The following CTIF variants were observed in gnomAD, a reference collection of about 807,000 sequenced individuals.
CTIF encodes the protein CBP80/20-dependent translation initiation factor.
A neutral mutation model predicts 66.0 loss-of-function variants in CTIF; 21 were observed. The observed-to-expected ratio is 0.32, with a 90% confidence interval of 0.23 to 0.46. The LOEUF (loss-of-function observed/expected upper bound fraction) is 0.46, where lower values mean the gene tolerates loss of function less well. Among genes scored for constraint, CTIF ranks in the 20% least tolerant of loss-of-function variants. CTIF has a pLI of 1.00. For missense variants in CTIF, 739 were observed against 812.7 expected, an observed-to-expected ratio of 0.91 and a Z score of 1.10; for synonymous variants, 345 against 326.4, an observed-to-expected ratio of 1.06 and a Z score of -0.62.
chr18:48,744,912 T>C (rs1464576538), intron 7 of CTIF, among the ~76,000 whole-genome samples: 1 of 151,816 alleles, frequency 6.6e-6, no homozygotes, highest in Non-Finnish European at 1.5e-5. Flanking sequence ...AAGCTCCGCC[T>C]CCCGGATTCA....
chr18:48,592,624 T>C (rs1397698373), intron 1 of CTIF, among the ~76,000 whole-genome samples: 1 of 152,140 alleles, frequency 6.6e-6, no homozygotes, highest in Non-Finnish European at 1.5e-5. Flanking sequence ...ACCACTCAAG[T>C]GCAGTGAGTG....
At chr18:48,604,192 T>TC in intron 1 of CTIF, among the ~76,000 whole-genome samples, 1 of 140,986 alleles carries the variant, frequency 7.1e-6, no homozygotes, top group Non-Finnish European at 1.5e-5. Context: ...TTTTTTTTTT[T>TC]TTGAGACGGG....
At chr18:48,732,519 CT>C (rs1200776127) in intron 7 of CTIF, among the ~76,000 whole-genome samples, 1 of 152,228 alleles carries the variant, frequency 6.6e-6, no homozygotes. Context: ...AGCATCCCCC[CT>C]GGAGAAGCTG....
intron 9 of CTIF, among the ~76,000 whole-genome samples, chr18:48,795,748 G>A (rs905675778): frequency 4.4e-4 from 67 of 152,294 alleles, no homozygotes; most frequent in Admixed American, 4.2e-3. Flanking sequence ...AGAATTCTGT[G>A]TTGGGAAGAA....
chr18:48,656,804 G>T (rs74885535), intron 3 of CTIF, among the ~76,000 whole-genome samples: 2 of 151,590 alleles, frequency 1.3e-5, no homozygotes, highest in South Asian at 2.1e-4. Context: ...TTCAGCAACC[G>T]GGGGGGCAGG....
chr18:48,820,724 G>C (rs559037043), intron 10 of CTIF, among the ~76,000 whole-genome samples: 1 of 152,278 alleles, frequency 6.6e-6, no homozygotes, highest in South Asian at 2.1e-4. Flanking sequence ...CATCCCCTGC[G>C]TCTGTACCCC....
At chr18:48,592,925 G>A (rs1186281103) in intron 1 of CTIF, among the ~76,000 whole-genome samples, 1 of 152,242 alleles carries the variant, frequency 6.6e-6, no homozygotes, top group African/African-American at 2.4e-5. Context: ...AGGCTGCCGC[G>A]GATCAGGGAA....
intron 6 of CTIF, chr18:48,683,157 G>A (rs1480131971): frequency 1.3e-5 from 2 of 152,082 alleles, no homozygotes; most frequent in African/African-American, 4.8e-5. Context: ...GCCTCCCTGG[G>A]AATAAAGCAA....
At chr18:48,655,429 T>C (rs943641240) in intron 3 of CTIF, among the ~76,000 whole-genome samples, 11 of 151,910 alleles carry the variant, frequency 7.2e-5, no homozygotes, top group African/African-American at 2.7e-4. Context: ...AGACCCCCTG[T>C]CCCACAGCTA....
At chr18:48,708,649 C>T (rs1174415685) in intron 6 of CTIF, among the ~76,000 whole-genome samples, 1 of 152,204 alleles carries the variant, frequency 6.6e-6, no homozygotes, top group African/African-American at 2.4e-5. Flanking sequence ...GGGAGGACCT[C>T]AGAGGGTGCA....
intron 10 of CTIF, among the ~76,000 whole-genome samples, chr18:48,840,698 C>T (rs1317926237): frequency 6.6e-6 from 1 of 152,126 alleles, no homozygotes; most frequent in East Asian, 1.9e-4. Context: ...TAGCACAGCC[C>T]GATTCTTCTC....
At chr18:48,664,406 T>TGCCCTCTTGCCTCCGTTTCTC (rs778194268) in intron 4 of CTIF, 41 bp from the exon 5 acceptor site, 4 of 1,540,806 alleles carry the variant, frequency 2.6e-6, no homozygotes, top group African/African-American at 1.4e-5. Flanking sequence ...ACTGGGCTGT[T>TGCCCTCTTGCCTCCGTTTCTC]GCCCTCTTGC....
chr18:48,678,993 G>A (rs1442553603), intron 6 of CTIF, among the ~76,000 whole-genome samples: 1 of 152,236 alleles, frequency 6.6e-6, no homozygotes, highest in Non-Finnish European at 1.5e-5. Flanking sequence ...TTGTGCCACA[G>A]CCACTTGCTG....
At chr18:48,730,838 T>C (rs1442443749) in intron 7 of CTIF, among the ~76,000 whole-genome samples, 1 of 146,106 alleles carries the variant, frequency 6.8e-6, no homozygotes, top group African/African-American at 2.6e-5. Flanking sequence ...TTCCGTGGTG[T>C]GAGGGACCCC....
intron 9 of CTIF, among the ~76,000 whole-genome samples, chr18:48,799,014 C>T (rs1199449459): frequency 6.6e-6 from 1 of 152,132 alleles, no homozygotes; most frequent in South Asian, 2.1e-4. Flanking sequence ...CTGCCACCAG[C>T]GCGTGACTTG....
chr18:48,558,584 A>G (rs2089076246), intron 1 of CTIF, among the ~76,000 whole-genome samples: 1 of 152,252 alleles, frequency 6.6e-6, no homozygotes, highest in African/African-American at 2.4e-5. Context: ...TCGAGTCACA[A>G]AAAGTGGTCA....
At chr18:48,603,224 G>A (rs1465858121) in intron 1 of CTIF, among the ~76,000 whole-genome samples, 2 of 150,356 alleles carry the variant, frequency 1.3e-5, no homozygotes, top group Admixed American at 6.6e-5. Flanking sequence ...ATGAATGGGT[G>A]GGTGGGTAGA....
intron 8 of CTIF, among the ~76,000 whole-genome samples, chr18:48,759,389 G>A (rs1188388023): frequency 6.6e-6 from 1 of 152,182 alleles, no homozygotes; most frequent in African/African-American, 2.4e-5. Flanking sequence ...CAGAGGCCAG[G>A]CCCAGGGTCC....
chr18:48,797,343 G>A (rs1048756678), intron 9 of CTIF, among the ~76,000 whole-genome samples: 8 of 152,036 alleles, frequency 5.3e-5, no homozygotes, highest in African/African-American at 1.9e-4. Flanking sequence ...ATTAGCTGGG[G>A]GTGGTGGTGC....
Sources: gnomAD v4.1 joint callset for allele counts (sites outside exome capture counted in the v4.1 genomes callset) on GRCh38, gnomAD v4.1.1 for gene constraint, MANE v1.5 for transcripts, NCBI Gene and HGNC (gene_info 2026-07-23, HGNC 2026-07-21) for gene names.